LRFN2: variants seen among roughly 807,000 people sequenced by gnomAD.
The protein encoded by LRFN2 is leucine-rich repeat and fibronectin type-III domain-containing protein 2.
Under a neutral mutation model 37.3 loss-of-function variants are expected in LRFN2, and 18 were observed. That is an observed-to-expected ratio of 0.48 (90% CI 0.33 to 0.72). LRFN2 has a LOEUF of 0.72. Ranked by LOEUF, LRFN2 falls within the 30% of genes least tolerant of loss-of-function variation. The probability of loss-of-function intolerance (pLI) is 0.02; values close to 1 mark genes in which losing one functional copy is unlikely to be tolerated. For synonymous variants in LRFN2, 556 were observed against 466.6 expected (o/e 1.19, Z -2.47); for missense variants, 1,006 against 1,060.7 (o/e 0.95, Z 0.72).
chr6:40,536,801 C>G (rs1248213094), intron 1 of LRFN2, among the ~76,000 whole-genome samples: 1 of 152,152 alleles, frequency 6.6e-6, no homozygotes, highest in African/African-American at 2.4e-5. Context: ...TGTGGAGCCT[C>G]CAAGACCTTG....
chr6:40,534,758 T>A (rs60898), intron 1 of LRFN2, among the ~76,000 whole-genome samples: 1 of 151,962 alleles, frequency 6.6e-6, no homozygotes, highest in Non-Finnish European at 1.5e-5. Context: ...CTGGGCCCAG[T>A]CTTTGGGCAA....
At chr6:40,479,072 G>A (rs1764768192) in intron 1 of LRFN2, among the ~76,000 whole-genome samples, 1 of 152,202 alleles carries the variant, frequency 6.6e-6, no homozygotes, top group Non-Finnish European at 1.5e-5. Context: ...CAGATAGAAA[G>A]CCTTAGGCAT....
intron 2 of LRFN2, among the ~76,000 whole-genome samples, chr6:40,399,426 C>CTTTTTTTTTTTTT (rs61458320): frequency 7.4e-6 from 1 of 134,362 alleles, no homozygotes. Flanking sequence ...TTTTTCTTTT[C>CTTTTTTTTTTTTT]TTTTTTTTTT....
At chr6:40,409,227 A>T (rs1762910245) in intron 2 of LRFN2, among the ~76,000 whole-genome samples, 1 of 152,148 alleles carries the variant, frequency 6.6e-6, no homozygotes. Context: ...AATTATAACC[A>T]TCTCCCTCTG....
At chr6:40,446,653 T>C (rs1260353178) in intron 1 of LRFN2, among the ~76,000 whole-genome samples, 1 of 152,238 alleles carries the variant, frequency 6.6e-6, no homozygotes, top group East Asian at 1.9e-4. Flanking sequence ...ATAATTTTCT[T>C]TCTGTCCTCT....
At chr6:40,498,445 T>G (rs1033773686) in intron 1 of LRFN2, among the ~76,000 whole-genome samples, 1 of 152,182 alleles carries the variant, frequency 6.6e-6, no homozygotes. Flanking sequence ...TCCCTAGACA[T>G]TTATTGGATA....
intron 2 of LRFN2, among the ~76,000 whole-genome samples, chr6:40,426,819 T>C (rs931406801): frequency 1.3e-5 from 2 of 152,208 alleles, no homozygotes; most frequent in Admixed American, 6.5e-5. Context: ...CACTGCAGCC[T>C]GTAAACATGA....
intron 1 of LRFN2, among the ~76,000 whole-genome samples, chr6:40,570,910 G>T (rs1189497746): frequency 1.3e-5 from 2 of 152,258 alleles, no homozygotes; most frequent in Non-Finnish European, 2.9e-5. Context: ...TGCCTGGCAG[G>T]CCAGCTAAAG....
chr6:40,534,972 C>A (rs937201874), intron 1 of LRFN2, among the ~76,000 whole-genome samples: 1 of 152,198 alleles, frequency 6.6e-6, no homozygotes, highest in Non-Finnish European at 1.5e-5. Context: ...TGCCCCCAGG[C>A]CCATGATATA....
At chr6:40,524,954 A>G in intron 1 of LRFN2, among the ~76,000 whole-genome samples, 1 of 152,244 alleles carries the variant, frequency 6.6e-6, no homozygotes, top group East Asian at 1.9e-4. Flanking sequence ...AGCTTGGAGT[A>G]AGGAGAACTC....
intron 1 of LRFN2, among the ~76,000 whole-genome samples, chr6:40,563,231 C>G (rs922610724): frequency 2.0e-5 from 3 of 152,130 alleles, no homozygotes; most frequent in East Asian, 3.9e-4. Context: ...ATATCTGCCT[C>G]TCTGCATCCG....
At chr6:40,515,756 G>C (rs1765848015) in intron 1 of LRFN2, among the ~76,000 whole-genome samples, 1 of 152,014 alleles carries the variant, frequency 6.6e-6, no homozygotes, top group Non-Finnish European at 1.5e-5. Context: ...AGCCAGGCGT[G>C]GTGCCATGTG....
chr6:40,486,722 T>A (rs1764967271), intron 1 of LRFN2, among the ~76,000 whole-genome samples: 3 of 152,056 alleles, frequency 2.0e-5, no homozygotes, highest in Admixed American at 2.0e-4. Context: ...TTTGAGGGAA[T>A]GAAATGTCAA....
chr6:40,399,324 C>T (rs1762680726), intron 2 of LRFN2, among the ~76,000 whole-genome samples: 1 of 151,668 alleles, frequency 6.6e-6, no homozygotes, highest in African/African-American at 2.4e-5. Flanking sequence ...GCCCCCCACC[C>T]ACTGCTCCCA....
chr6:40,532,647 C>T (rs1766367741), intron 1 of LRFN2, among the ~76,000 whole-genome samples: 1 of 152,206 alleles, frequency 6.6e-6, no homozygotes, highest in Non-Finnish European at 1.5e-5. Flanking sequence ...ATCAGTTATT[C>T]CTTACAAAGC....
chr6:40,393,904 G>A (rs1561836862), intron 2 of LRFN2, among the ~76,000 whole-genome samples: 1 of 152,206 alleles, frequency 6.6e-6, no homozygotes, highest in Non-Finnish European at 1.5e-5. Flanking sequence ...GGGAGAGGGA[G>A]TCTAAGCAGA....
Position 40,571,621 on chromosome 6 carries a change from C to A in LRFN2, c.-19+15320G>T, listed in dbSNP as rs554633419. On this transcript the variant is annotated intron_variant, in intron 1 of 2. Coordinates refer to ENST00000338305, the MANE Select transcript of LRFN2 (RefSeq NM_020737.3). ...TTTAAATAGCCCAGGTTTTAGCAGG[C>A]AATTTGGGCACCCAATGTGGGTCTG... Among the ~76,000 whole-genome samples, 11 of 152,272 alleles carry A rather than the reference C, an allele frequency of 7.2e-5. No individual in the cohort carries two copies. In the South Asian group the frequency reaches 2.3e-3, roughly 32 times the overall value.
At chr6:40,479,634 AC>A (rs903306126) in intron 1 of LRFN2, among the ~76,000 whole-genome samples, 35 of 152,168 alleles carry the variant, frequency 2.3e-4, no homozygotes, top group Admixed American at 2.3e-3. Flanking sequence ...TTTTGCTAAA[AC>A]AACGTGAAGG....
At chr6:40,457,674 G>A (rs1233632033) in intron 1 of LRFN2, among the ~76,000 whole-genome samples, 2 of 148,594 alleles carry the variant, frequency 1.3e-5, no homozygotes, top group African/African-American at 2.5e-5. Context: ...GGGAGAGAAA[G>A]GAGATGATAA....
Sources: allele counts gnomAD v4.1 joint callset (sites outside exome capture counted in the v4.1 genomes callset), GRCh38; gene constraint gnomAD v4.1.1; transcripts MANE v1.5; gene names NCBI Gene and HGNC (gene_info 2026-07-23, HGNC 2026-07-21).